Variants in TMEM92 observed in about 807,000 individuals in gnomAD.
TMEM92 encodes transmembrane protein 92.
In TMEM92, 15 loss-of-function variants were observed where a neutral mutation model predicts 14.6. The ratio of observed to expected loss-of-function variants is 1.03; its 90% confidence interval spans 0.69 to 1.58. TMEM92 has a LOEUF of 1.58. Ranked by LOEUF, TMEM92 falls within the 40% of genes most tolerant of loss-of-function variation. The pLI is 0.00. For missense variants in TMEM92, 174 were observed against 202.4 expected (o/e 0.86, Z 0.85); for synonymous variants, 85 against 83.3 (o/e 1.02, Z -0.11).
At chr17:50,278,677 G>C in intron 3 of TMEM92, 47 bp downstream of exon 3, 1 of 1,599,854 alleles carries the variant, frequency 6.3e-7, no homozygotes, top group Non-Finnish European at 8.5e-7. Context: ...GGAGGGGCCT[G>C]GTCCTGTGTG....
upstream of TMEM92, among the ~76,000 whole-genome samples, chr17:50,272,097 C>G (rs1479696660): frequency 6.6e-6 from 1 of 152,000 alleles, no homozygotes; most frequent in Non-Finnish European, 1.5e-5. Context: ...TTGGATTTAC[C>G]TGGGCCTCCT....
Position 50,279,288 on chromosome 17 carries a change from A to G in TMEM92, c.460A>G (p.Ile154Val), listed in dbSNP as rs764423642. The G allele has an allele frequency of 6.2e-7, 1 of 1,613,780 alleles. No homozygotes were observed. Among genetic ancestry groups the G allele is most frequent in the Non-Finnish European group, 8.5e-7 (1 of 1,179,856 alleles). The part of the protein sequence containing the change: ...PEEYTGDQRG[I>V]DNPAF ...AGAATATACCGGGGATCAGAGGGGCATTGACAACCCGGCCTTCTGAGTCAC... is the reference window on the plus strand; with the variant it reads ...AGAATATACCGGGGATCAGAGGGGCGTTGACAACCCGGCCTTCTGAGTCAC... The change falls in exon 5 of 5, where the codon ATT (isoleucine) becomes GTT (valine). Residue 154 changes from isoleucine to valine, a missense_variant. Physicochemically the swap from Ile to Val is conservative, Grantham distance 29 (BLOSUM62 3). Transcript: ENST00000507382.
In TMEM92 at chr17:50,274,578, T is replaced by TG. The variant is rs1910366204; in HGVS notation, c.69+11dup. On this transcript the variant is annotated intron_variant, in intron 1 of 4. Coordinates refer to ENST00000507382, the MANE Select transcript of TMEM92 (RefSeq NM_153229.3). ...CTGGCTGGCCCCCAAAAGGTGAGAC[T>TG]GGGAGGTAAGGTTGTTGAACTTTTG... The TG allele has an allele frequency of 6.2e-7, 1 of 1,612,770 alleles. No homozygotes were observed. The highest frequency in any genetic ancestry group is 8.5e-7 in the Non-Finnish European group (1 of 1,179,400).
chr17:50,278,724 C>T (rs1048678740), intron 3 of TMEM92, 77 bp from the exon 4 acceptor site: 25 of 1,567,252 alleles, frequency 1.6e-5, no homozygotes, highest in African/African-American at 1.5e-4. Context: ...GCAGTGTGGG[C>T]GGCGGGAGCG....
At chr17:50,272,455 TG>T, upstream of TMEM92, among the ~76,000 whole-genome samples, 2 of 151,514 alleles carry the variant, frequency 1.3e-5, no homozygotes, top group Middle Eastern at 3.4e-3. Flanking sequence ...GGGGCCTGGG[TG>T]GGGACAAGAA....
At chr17:50,271,934 G>A (rs1910259025), upstream of TMEM92, among the ~76,000 whole-genome samples, 1 of 152,104 alleles carries the variant, frequency 6.6e-6, no homozygotes, top group South Asian at 2.1e-4. Context: ...CAGCTACTTG[G>A]GAGGCTGAAG....
At position 50,279,212 on chromosome 17, in the gene TMEM92, C is replaced by A; in HGVS notation, c.384C>A (p.Ser128Arg). 1 of 1,614,002 alleles carries A rather than the reference C, an allele frequency of 6.2e-7. No homozygotes were observed. Among genetic ancestry groups the A allele is most frequent in the Non-Finnish European group, 8.5e-7 (1 of 1,179,910 alleles). ...CCCTGCAGGTGATTCTGAAGCCCAG[C>A]CTGGGCCCAACTCCCACAGAGCCAC... The part of the protein sequence containing the change: ...PPYSEVILKP[S>R]LGPTPTEPPP... The change falls in exon 5 of 5, where the codon AGC (serine) becomes AGA (arginine). Residue 128 changes from serine (S) to arginine (R), a missense_variant. By Grantham distance (110) the Ser-to-Arg change is moderately radical. Transcript: ENST00000507382.
intron 1 of TMEM92, among the ~76,000 whole-genome samples, chr17:50,277,363 A>G (rs1470030804): frequency 1.3e-5 from 2 of 151,646 alleles, no homozygotes; most frequent in African/African-American, 4.9e-5. Flanking sequence ...TCCTGCCCAC[A>G]GTGTCTGCAG....
chr17:50,278,447 G>A, intron 2 of TMEM92, 109 bp from the exon 3 acceptor site: 1 of 1,273,894 alleles, frequency 7.8e-7, no homozygotes, highest in Non-Finnish European at 1.1e-6. Context: ...CTAAGGGGTG[G>A]CTTGTGCCAT....
intron 4 of TMEM92, 37 bp from the exon 5 acceptor site, chr17:50,279,158 A>G (rs1218581461): frequency 2.5e-6 from 4 of 1,580,650 alleles, no homozygotes; most frequent in African/African-American, 1.3e-5. Context: ...GGCCAGGGCC[A>G]GGGCCCAGAA....
In TMEM92 at chr17:50,281,303, A is replaced by G. The variant is rs1910612454; in HGVS notation, c.*1995A>G. 6.6e-6 allele frequency: 1 copy of G among 152,212 alleles called. No homozygotes were observed. Among genetic ancestry groups the G allele is most frequent in the Non-Finnish European group, 1.5e-5 (1 of 68,032 alleles). The allele number at this position is 152,212 out of a possible 1,614,324, so 9.4% of individuals were successfully genotyped here. ...AAGCTCCTGCTATGTAGGAAACACTATGCCTGGCACTGGGTATCCATTAAA... is the reference window on the plus strand; with the variant it reads ...AAGCTCCTGCTATGTAGGAAACACTGTGCCTGGCACTGGGTATCCATTAAA... On this transcript the variant is annotated 3_prime_UTR_variant, in exon 5 of 5. Coordinates refer to ENST00000507382, the MANE Select transcript of TMEM92 (RefSeq NM_153229.3).
intron 1 of TMEM92, 117 bp downstream of exon 1, chr17:50,274,687 A>T: frequency 2.3e-6 from 2 of 881,016 alleles, no homozygotes; most frequent in Non-Finnish European, 1.7e-6. Flanking sequence ...GACCACACAC[A>T]GTTAGCTACT....
chr17:50,274,316 A>C, upstream of TMEM92: 1 of 616,800 alleles, frequency 1.6e-6, no homozygotes, highest in East Asian at 2.9e-5. Context: ...AAATCCCAAA[A>C]CCCAACCCAG....
At position 50,274,898 on chromosome 17, in the gene TMEM92, G is replaced by A. The variant is rs8078353; in HGVS notation, c.69+328G>A. ...CAGCTTATCCTTCCAGCTCCTTCCC[G>A]CCTGAGCTTTGGACACCTGGGCCAG... On this transcript the variant is annotated intron_variant, in intron 1 of 4. Coordinates refer to ENST00000507382, the MANE Select transcript of TMEM92 (RefSeq NM_153229.3). 3.5e-3 allele frequency: 1,156 copies of A among 331,466 alleles called. 7 individuals carry two copies. The highest frequency in any genetic ancestry group is 0.023 in the African/African-American group (1,044 of 45,520). 20.5% of individuals were successfully genotyped at this position (331,466 alleles called of 1,614,324 possible).
chr17:50,277,427 G>A (rs1283154004), intron 1 of TMEM92, among the ~76,000 whole-genome samples: 1 of 152,170 alleles, frequency 6.6e-6, no homozygotes, highest in South Asian at 2.1e-4. Context: ...TGGGTGTCAC[G>A]GTGGAAGCCA....
chr17:50,273,232 C>T (rs1362312226), upstream of TMEM92, among the ~76,000 whole-genome samples: 1 of 152,212 alleles, frequency 6.6e-6, no homozygotes, highest in African/African-American at 2.4e-5. Flanking sequence ...GGCTGCACTG[C>T]TCCTGCCTCG....
rs1039676626 is a variant in TMEM92, at chr17:50,279,432, G to A, written c.*124G>A. On this transcript the variant is annotated 3_prime_UTR_variant, in exon 5 of 5. Transcript: ENST00000507382. ...TCCTGCCGTGTCTCTGTTCATTCTT[G>A]GATTTAACTTATTACTTTTTCTGCT... is the stretch of plus-strand genomic sequence containing the variant. 3.8e-6 allele frequency: 3 copies of A among 797,610 alleles called. No individual in the cohort carries two copies. Among genetic ancestry groups the A allele is most frequent in the Middle Eastern group, 6.0e-4 (2 of 3,334 alleles). The allele number at this position is 797,610 out of a possible 1,614,324, so 49.4% of individuals were successfully genotyped here. A position where few individuals can be genotyped will look rare whatever the true frequency, so the allele number is the denominator to read the frequency against.
Position 50,279,189 on chromosome 17 carries a change from C to T in TMEM92, c.367-6C>T, listed in dbSNP as rs1446971679. ...CAGAAGACTGAATTCTCTCTTTTCC[C>T]TGCAGGTGATTCTGAAGCCCAGCCT... On this transcript the variant is annotated splice_region_variant and splice_polypyrimidine_tract_variant and intron_variant, in intron 4 of 4. Transcript: ENST00000507382. 4 of 1,613,202 alleles carry T rather than the reference C, an allele frequency of 2.5e-6. No individual in the cohort carries two copies. The South Asian group carries it at 3.3e-5, about 13-fold the overall frequency.
At chr17:50,275,548 C>G (rs777853485) in intron 1 of TMEM92, among the ~76,000 whole-genome samples, 1 of 152,102 alleles carries the variant, frequency 6.6e-6, no homozygotes, top group African/African-American at 2.4e-5. Flanking sequence ...GATTTACTTA[C>G]TCCCAGCCCA....
Sources: allele counts gnomAD v4.1 joint callset (sites outside exome capture counted in the v4.1 genomes callset), GRCh38; gene constraint gnomAD v4.1.1; transcripts MANE v1.5; gene names NCBI Gene and HGNC (gene_info 2026-07-23, HGNC 2026-07-21).